The following COPG2 variants were observed in gnomAD, a reference collection of about 807,000 sequenced individuals.
COPG2 encodes the protein coat protein complex I subunit gamma 2, also known as coatomer subunit gamma-2.
Under a neutral mutation model 46.3 loss-of-function variants are expected in COPG2, and 37 were observed. The ratio of observed to expected loss-of-function variants is 0.80; its 90% CI spans 0.61 to 1.05. The LOEUF is 1.05. Ranked by LOEUF, COPG2 falls within the 50% of genes least tolerant of loss-of-function variation. COPG2 has a pLI of 0.00. For missense variants in COPG2, 427 were observed against 387.8 expected (o/e 1.10, Z -0.85); for synonymous variants, 159 against 129.7 (o/e 1.23, Z -1.53).
intron 5 of COPG2, among the ~76,000 whole-genome samples, chr7:130,629,383 TTTTA>T (rs1795181777): frequency 1.3e-5 from 2 of 148,720 alleles, no homozygotes; most frequent in Non-Finnish European, 3.0e-5. Flanking sequence ...CCTTCTGGAA[TTTTA>T]TTATTATTAT....
chr7:130,587,554 ATTTAATAAACGGTGCTG>A (rs1430778585), intron 9 of COPG2, among the ~76,000 whole-genome samples: 1 of 152,116 alleles, frequency 6.6e-6, no homozygotes, highest in Non-Finnish European at 1.5e-5. Flanking sequence ...TGGATTCCCT[ATTTAATAAACGGTGCTG>A]GGAAAACTGG....
intron 20 of COPG2, among the ~76,000 whole-genome samples, chr7:130,536,611 C>T (rs923992544): frequency 1.3e-5 from 2 of 152,148 alleles, no homozygotes; most frequent in African/African-American, 2.4e-5. Context: ...GATGGAGAGC[C>T]GGACAGACAT....
chr7:130,653,909 A>G (rs1795799119), intron 4 of COPG2, among the ~76,000 whole-genome samples: 2 of 152,158 alleles, frequency 1.3e-5, no homozygotes, highest in Non-Finnish European at 2.9e-5. Context: ...CAAAGCTACT[A>G]TGAGAAGAAA....
At chr7:130,577,281 G>A (rs1794018280) in intron 9 of COPG2, among the ~76,000 whole-genome samples, 1 of 152,238 alleles carries the variant, frequency 6.6e-6, no homozygotes. Context: ...ACTAGGGAGT[G>A]CCAGACAGTG....
rs1373464973 is a variant in COPG2, at chr7:130,605,328, C to A, written c.737+5625G>T. On this transcript the variant is annotated intron_variant, in intron 9 of 23. Coordinates refer to ENST00000425248, the MANE Select transcript of COPG2 (RefSeq NM_012133.6). Reference sequence around the variant, plus strand: ...GGCTCCCCAAAGATGTCTATGTCTTCATTCCTAGAACTGATGAATATGTTA... The same window carrying A: ...GGCTCCCCAAAGATGTCTATGTCTTAATTCCTAGAACTGATGAATATGTTA... 7.8e-6 allele frequency: 4 copies of A among 511,502 alleles called. No individual in the cohort carries two copies. In the Admixed American group the frequency reaches 8.1e-5, roughly 10 times the overall value. The allele number at this position is 511,502 out of a possible 1,614,324, so 31.7% of individuals were successfully genotyped here.
intron 5 of COPG2, among the ~76,000 whole-genome samples, chr7:130,619,915 TTA>T (rs1368584265): frequency 2.0e-5 from 3 of 152,218 alleles, no homozygotes; most frequent in Admixed American, 1.3e-4. Context: ...GAAGTCGGAC[TTA>T]GTTTTTCTCA....
chr7:130,566,979 A>G (rs1793814501), intron 9 of COPG2, among the ~76,000 whole-genome samples: 1 of 152,234 alleles, frequency 6.6e-6, no homozygotes, highest in African/African-American at 2.4e-5. Flanking sequence ...AATAGCAAAG[A>G]CATGGAATCA....
chr7:130,635,334 T>G (rs1554455942), intron 5 of COPG2, among the ~76,000 whole-genome samples: 5 of 152,142 alleles, frequency 3.3e-5, no homozygotes, highest in Non-Finnish European at 7.3e-5. Flanking sequence ...TGAACCTGTC[T>G]GGTCCTGGGC....
chr7:130,587,221 C>G (rs554971126), intron 9 of COPG2, among the ~76,000 whole-genome samples: 1 of 151,702 alleles, frequency 6.6e-6, no homozygotes, highest in African/African-American at 2.4e-5. Flanking sequence ...GAAGGAGAAT[C>G]GCTGGAACAC....
chr7:130,581,702 AACAG>A (rs1331214837), intron 9 of COPG2, among the ~76,000 whole-genome samples: 2 of 135,606 alleles, frequency 1.5e-5, no homozygotes, highest in African/African-American at 5.4e-5. Flanking sequence ...ATACACCAAC[AACAG>A]ACAAACAGAG....
intron 5 of COPG2, among the ~76,000 whole-genome samples, chr7:130,622,037 C>T (rs1554453684): frequency 6.6e-6 from 1 of 151,382 alleles, no homozygotes. Flanking sequence ...TTCTATACCT[C>T]TGTCATAGCT....
At chr7:130,640,404 T>C (rs1307427914) in intron 5 of COPG2, among the ~76,000 whole-genome samples, 1 of 151,702 alleles carries the variant, frequency 6.6e-6, no homozygotes, top group Admixed American at 6.6e-5. Context: ...CAGGTAATTG[T>C]TTTTGTTTTT....
Position 130,550,411 on chromosome 7 carries a change from C to CAAAAAAAA in COPG2, c.1774+105_1774+112dup, listed in dbSNP as rs1158918044. 8.1e-4 allele frequency: 85 copies of CAAAAAAAA among 104,420 alleles called. 1 individual carries two copies. Among genetic ancestry groups the CAAAAAAAA allele is most frequent in the African/African-American group, 3.0e-3 (46 of 15,246 alleles). 6.5% of individuals were successfully genotyped at this position (104,420 alleles called of 1,614,324 possible). A position where few individuals can be genotyped will look rare whatever the true frequency, so the allele number is the denominator to read the frequency against. ...GTGCGACGGGAGTGAGACTCTATCT[C>CAAAAAAAA]AAAAAAAAAAAAAAAAAAAAAGAGT... On this transcript the variant is annotated intron_variant, in intron 17 of 23. Transcript: ENST00000425248.
intron 20 of COPG2, among the ~76,000 whole-genome samples, chr7:130,515,923 C>G (rs1340133786): frequency 6.6e-6 from 1 of 151,772 alleles, no homozygotes; most frequent in Admixed American, 6.6e-5. Flanking sequence ...AAGGAGAGAA[C>G]GTGGCTAGGT....
chr7:130,593,474 T>C (rs930970606), intron 9 of COPG2, among the ~76,000 whole-genome samples: 6 of 152,294 alleles, frequency 3.9e-5, no homozygotes, highest in Middle Eastern at 3.4e-3. Context: ...GAAAATACTC[T>C]TACAGAAAAG....
chr7:130,647,003 A>ATATATATTTATT (rs1795621055), intron 5 of COPG2, among the ~76,000 whole-genome samples: 1 of 135,432 alleles, frequency 7.4e-6, no homozygotes, highest in African/African-American at 2.9e-5. Flanking sequence ...ATATGTGTAT[A>ATATATATTTATT]TATATATGTA....
intron 11 of COPG2, among the ~76,000 whole-genome samples, chr7:130,561,845 T>C (rs1490572329): frequency 6.6e-6 from 1 of 152,208 alleles, no homozygotes; most frequent in Non-Finnish European, 1.5e-5. Context: ...AATGCGAAAC[T>C]CTTTAATTCT....
chr7:130,563,023 T>C (rs939248400), intron 11 of COPG2, among the ~76,000 whole-genome samples: 1 of 152,230 alleles, frequency 6.6e-6, no homozygotes. Flanking sequence ...TGGTGGCTAA[T>C]GGCCACCATA....
At chr7:130,514,676 G>C (rs1183744430) in intron 20 of COPG2, among the ~76,000 whole-genome samples, 1 of 152,202 alleles carries the variant, frequency 6.6e-6, no homozygotes, top group Admixed American at 6.5e-5. Flanking sequence ...AAACATTAAA[G>C]TTGACTCCAG....
Sources: gnomAD v4.1 joint callset for allele counts (sites outside exome capture counted in the v4.1 genomes callset) on GRCh38, gnomAD v4.1.1 for gene constraint, MANE v1.5 for transcripts, NCBI Gene and HGNC (gene_info 2026-07-23, HGNC 2026-07-21) for gene names.